The following DNAJC1 variants were observed in gnomAD, a reference collection of about 807,000 sequenced individuals.
The protein encoded by DNAJC1 is dnaJ homolog subfamily C member 1.
In DNAJC1, 58 loss-of-function variants were observed where a neutral mutation model predicts 76.6. The ratio of observed to expected loss-of-function variants is 0.76; its 90% CI spans 0.61 to 0.94. DNAJC1 has a LOEUF of 0.94. Ranked by LOEUF, DNAJC1 falls within the 40% of genes least tolerant of loss-of-function variation. The pLI, the probability that DNAJC1 is intolerant of heterozygous loss-of-function variation, is 0.00. For missense variants in DNAJC1, 689 were observed against 677.3 expected, an observed-to-expected ratio of 1.02 and a Z score of -0.19; for synonymous variants, 258 against 267.9, an observed-to-expected ratio of 0.96 and a Z score of 0.36.
chr10:21,851,780 C>G (rs779658303), intron 8 of DNAJC1, among the ~76,000 whole-genome samples: 2 of 152,038 alleles, frequency 1.3e-5, no homozygotes, highest in East Asian at 1.9e-4. Flanking sequence ...TACGGCCGGG[C>G]GCAGTGGTTC....
At position 21,813,052 on chromosome 10, in the gene DNAJC1, C is replaced by CACAT. The variant is rs1278297887; in HGVS notation, c.979-6954_979-6953insATGT. ...ACACACACACACACACACACACACA[C>CACAT]ATATATATACATATATACATATATA... is the stretch of plus-strand genomic sequence containing the variant. On this transcript the variant is annotated intron_variant, in intron 8 of 11. Coordinates refer to ENST00000376980, the MANE Select transcript of DNAJC1 (RefSeq NM_022365.4). Among the ~76,000 whole-genome samples, 331 of 112,702 alleles carry CACAT rather than the reference C, an allele frequency of 2.9e-3. 2 individuals carry two copies. Among genetic ancestry groups the CACAT allele is most frequent in the African/African-American group, 9.3e-3 (301 of 32,286 alleles). The allele number at this position is 112,702 out of a possible 152,430, so 73.9% of individuals were successfully genotyped here.
intron 1 of DNAJC1, among the ~76,000 whole-genome samples, chr10:21,998,389 CAAAAA>C (rs60371730): frequency 4.2e-5 from 4 of 95,820 alleles, no homozygotes; most frequent in East Asian, 5.8e-4. Flanking sequence ...GACTCCATCT[CAAAAA>C]AAAAAAAAAA....
intron 7 of DNAJC1, among the ~76,000 whole-genome samples, chr10:21,885,036 T>C (rs1004051717): frequency 3.9e-5 from 6 of 152,104 alleles, no homozygotes; most frequent in African/African-American, 1.4e-4. Flanking sequence ...TGAATGTCAA[T>C]GTGCTAAATG....
intron 1 of DNAJC1, among the ~76,000 whole-genome samples, chr10:21,966,790 A>C (rs777371198): frequency 2.0e-5 from 3 of 151,014 alleles, no homozygotes; most frequent in Admixed American, 2.0e-4. Context: ...GATTCAAACA[A>C]TTCTCCTGCC....
chr10:21,802,821 A>G (rs1388995446), intron 9 of DNAJC1, among the ~76,000 whole-genome samples: 2 of 152,146 alleles, frequency 1.3e-5, no homozygotes, highest in African/African-American at 4.8e-5. Flanking sequence ...CCTGCAGTTA[A>G]TCATCATGTT....
chr10:21,779,094 C>G (rs2131626470), intron 9 of DNAJC1, among the ~76,000 whole-genome samples: 1 of 152,302 alleles, frequency 6.6e-6, no homozygotes, highest in South Asian at 2.1e-4. Flanking sequence ...ACAAAGCGGC[C>G]AGGAAGCTCG....
At chr10:21,869,192 G>A (rs1836060497) in intron 8 of DNAJC1, among the ~76,000 whole-genome samples, 1 of 137,898 alleles carries the variant, frequency 7.3e-6, no homozygotes, top group Admixed American at 7.6e-5. Flanking sequence ...CTCCAGCCTA[G>A]GTGACAGAAT....
intron 9 of DNAJC1, among the ~76,000 whole-genome samples, chr10:21,776,506 A>G (rs1834455364): frequency 6.6e-6 from 1 of 152,220 alleles, no homozygotes; most frequent in Admixed American, 6.5e-5. Context: ...AGCCCTCATT[A>G]CAAGTAAGAA....
intron 8 of DNAJC1, among the ~76,000 whole-genome samples, chr10:21,873,368 C>G (rs1836135379): frequency 6.6e-6 from 1 of 151,912 alleles, no homozygotes; most frequent in Non-Finnish European, 1.5e-5. Flanking sequence ...TACTGAATGC[C>G]CCAAAGAAGT....
At chr10:21,915,815 T>C (rs1251283972) in intron 6 of DNAJC1, among the ~76,000 whole-genome samples, 1 of 150,924 alleles carries the variant, frequency 6.6e-6, no homozygotes, top group East Asian at 2.0e-4. Flanking sequence ...AATGCTGTTT[T>C]AATGTCCCAC....
At chr10:21,931,216 G>C (rs1837217138) in intron 1 of DNAJC1, among the ~76,000 whole-genome samples, 1 of 152,130 alleles carries the variant, frequency 6.6e-6, no homozygotes, top group Non-Finnish European at 1.5e-5. Context: ...TGGTCCCCCA[G>C]ATTATTACAC....
intron 8 of DNAJC1, among the ~76,000 whole-genome samples, chr10:21,830,455 G>A (rs556835209): frequency 1.3e-5 from 2 of 151,952 alleles, no homozygotes; most frequent in African/African-American, 4.8e-5. Flanking sequence ...CAGATGAGAA[G>A]GTAATTGGTA....
chr10:21,846,773 C>A (rs995586761), intron 8 of DNAJC1, among the ~76,000 whole-genome samples: 1 of 152,088 alleles, frequency 6.6e-6, no homozygotes, highest in Non-Finnish European at 1.5e-5. Context: ...CAACAACCTA[C>A]TATTATCTCC....
At chr10:21,986,992 T>C (rs535196696) in intron 1 of DNAJC1, among the ~76,000 whole-genome samples, 2 of 152,276 alleles carry the variant, frequency 1.3e-5, no homozygotes, top group South Asian at 4.1e-4. Flanking sequence ...GGTCTCAAAC[T>C]CCTGACCTCA....
At chr10:21,920,238 A>G (rs999916477) in intron 4 of DNAJC1, among the ~76,000 whole-genome samples, 3 of 152,080 alleles carry the variant, frequency 2.0e-5, no homozygotes, top group Non-Finnish European at 4.4e-5. Flanking sequence ...TCACTTCAAA[A>G]GGAATGAGTA....
chr10:21,981,790 A>T (rs1419979747), intron 1 of DNAJC1, among the ~76,000 whole-genome samples: 3 of 152,210 alleles, frequency 2.0e-5, no homozygotes, highest in Non-Finnish European at 4.4e-5. Context: ...AACTCTAGTC[A>T]GGCTCCTCTA....
At chr10:21,929,210 G>A in intron 1 of DNAJC1, 69 bp from the exon 2 acceptor site, 10 of 1,118,642 alleles carry the variant, frequency 8.9e-6, no homozygotes, top group Non-Finnish European at 1.3e-5. Context: ...CCAGAACCTT[G>A]TTAAGATCTG....
intron 1 of DNAJC1, among the ~76,000 whole-genome samples, chr10:21,942,735 G>A (rs1837436529): frequency 6.6e-6 from 1 of 151,252 alleles, no homozygotes; most frequent in East Asian, 1.9e-4. Context: ...GAACCTGGGA[G>A]GCGGAACTTG....
chr10:21,950,845 T>C (rs1191973782), intron 1 of DNAJC1, among the ~76,000 whole-genome samples: 2 of 152,136 alleles, frequency 1.3e-5, no homozygotes, highest in African/African-American at 4.8e-5. Flanking sequence ...GTCCTAACTC[T>C]CTTCATTTCT....
Sources: gnomAD v4.1 joint callset for allele counts (sites outside exome capture counted in the v4.1 genomes callset) on GRCh38, gnomAD v4.1.1 for gene constraint, MANE v1.5 for transcripts, NCBI Gene and HGNC (gene_info 2026-07-23, HGNC 2026-07-21) for gene names.